Variants in PCNX2 observed in about 807,000 individuals in gnomAD.
PCNX2 encodes pecanex 2, also known as pecanex-like protein 2.
A neutral mutation model predicts 223.8 loss-of-function variants in PCNX2; 168 were observed. The observed-to-expected ratio is 0.75, with a 90% CI of 0.66 to 0.85. PCNX2 has a LOEUF of 0.85. Among genes scored for constraint, PCNX2 ranks in the 40% least tolerant of loss-of-function variants. PCNX2 has a pLI of 0.00. For missense variants in PCNX2, 2,507 were observed against 2,675.5 expected, an observed-to-expected ratio of 0.94 and a Z score of 1.39; for synonymous variants, 1,006 against 1,052.6, an observed-to-expected ratio of 0.96 and a Z score of 0.86.
At chr1:233,160,545 G>T in intron 18 of PCNX2, 112 bp from the exon 19 acceptor site, 1 of 1,202,424 alleles carries the variant, frequency 8.3e-7, no homozygotes, top group Non-Finnish European at 1.2e-6. Flanking sequence ...TTAACGGATA[G>T]CCAGACTCAG....
intron 14 of PCNX2, 106 bp from the exon 15 acceptor site, chr1:233,199,136 T>C: frequency 9.9e-7 from 1 of 1,012,594 alleles, no homozygotes; most frequent in South Asian, 1.6e-5. Context: ...AGATGCCTGC[T>C]GAAGGGGTAA....
the PCNX2 span, among the ~76,000 whole-genome samples, chr1:233,320,090 AAAGAT>A: frequency 6.6e-6 from 1 of 152,188 alleles, no homozygotes; most frequent in African/African-American, 2.4e-5. Flanking sequence ...CTAGCCTCAT[AAAGAT>A]ATGTATTTGC....
At chr1:233,109,283 C>T (rs1674980601) in intron 21 of PCNX2, among the ~76,000 whole-genome samples, 1 of 152,000 alleles carries the variant, frequency 6.6e-6, no homozygotes. Context: ...AATTATGAGG[C>T]ACACAAAAGG....
upstream of PCNX2, among the ~76,000 whole-genome samples, chr1:233,299,039 C>T (rs146828476): frequency 5.4e-4 from 83 of 152,300 alleles, no homozygotes; most frequent in African/African-American, 1.9e-3. Flanking sequence ...CGATTTAAAT[C>T]CAGTTGGGTG....
At chr1:233,151,230 C>G (rs949998313) in intron 19 of PCNX2, among the ~76,000 whole-genome samples, 4 of 152,150 alleles carry the variant, frequency 2.6e-5, no homozygotes, top group African/African-American at 9.7e-5. Flanking sequence ...TCTCCATGGC[C>G]TATCCATATA....
chr1:233,238,431 C>T (rs1175857917), intron 8 of PCNX2, among the ~76,000 whole-genome samples: 1 of 152,172 alleles, frequency 6.6e-6, no homozygotes, highest in South Asian at 2.1e-4. Flanking sequence ...TAGCTGATGC[C>T]TGTAATCCCA....
intron 25 of PCNX2, among the ~76,000 whole-genome samples, chr1:233,035,253 T>C (rs935874152): frequency 5.9e-5 from 9 of 152,210 alleles, no homozygotes; most frequent in Non-Finnish European, 1.2e-4. Context: ...GGTCCTTCAA[T>C]TTCCCTTCTA....
Position 232,986,368 on chromosome 1 carries a change from G to A in PCNX2, c.5964C>T (p.His1988=), listed in dbSNP as rs369238243. Residue 1988 remains histidine (H), a synonymous_variant, in exon 33 of 34, where the codon CAC becomes CAT. Transcript: ENST00000258229. ...QRLSGSRLSL[H]ASATSLHSQP... is the part of the protein sequence containing the mutation. ...GAGAGTGCAGGGACGTGGCCGAGGC[G>A]TGCAAGGAGAGCCGGCTGCCCGAGA... is the stretch of plus-strand genomic sequence containing the variant. 5.0e-5 allele frequency: 80 copies of A among 1,602,634 alleles called. No homozygotes were observed. Among genetic ancestry groups the A allele is most frequent in the East Asian group, 3.1e-4 (14 of 44,480 alleles).
intron 10 of PCNX2, among the ~76,000 whole-genome samples, chr1:233,222,204 A>C (rs1225603136): frequency 6.6e-6 from 1 of 152,130 alleles, no homozygotes; most frequent in African/African-American, 2.4e-5. Flanking sequence ...TGAAAGACAA[A>C]AGGAAGGCCA....
chr1:233,323,698 G>C, the PCNX2 span, among the ~76,000 whole-genome samples: 45 of 152,268 alleles, frequency 3.0e-4, no homozygotes, highest in Non-Finnish European at 3.1e-4. Context: ...GTGATAAATG[G>C]CTGGCTCCAC....
intron 1 of PCNX2, among the ~76,000 whole-genome samples, chr1:233,277,285 C>A (rs1660966748): frequency 6.6e-6 from 1 of 152,216 alleles, no homozygotes; most frequent in Non-Finnish European, 1.5e-5. Context: ...AGTCTCCTCT[C>A]CTCTGCTCTA....
At chr1:233,066,033 C>T (rs375321059) in intron 23 of PCNX2, among the ~76,000 whole-genome samples, 60 of 152,278 alleles carry the variant, frequency 3.9e-4, no homozygotes, top group East Asian at 1.7e-3. Flanking sequence ...TCCCCCATTC[C>T]GAGCCCATAA....
chr1:233,182,388 G>C (rs765176499), intron 15 of PCNX2, among the ~76,000 whole-genome samples: 28 of 152,016 alleles, frequency 1.8e-4, no homozygotes, highest in African/African-American at 6.8e-4. Flanking sequence ...CTTGTCCCAG[G>C]ACTACTGTTA....
At chr1:233,272,788 A>G (rs1478235376) in intron 1 of PCNX2, among the ~76,000 whole-genome samples, 1 of 152,242 alleles carries the variant, frequency 6.6e-6, no homozygotes, top group East Asian at 1.9e-4. Flanking sequence ...TGTGGTGTAT[A>G]TATTTACCAT....
chr1:233,266,549 A>G (rs1212707647), intron 1 of PCNX2, among the ~76,000 whole-genome samples: 1 of 152,144 alleles, frequency 6.6e-6, no homozygotes, highest in African/African-American at 2.4e-5. Context: ...GAAGACCTCT[A>G]GCTTCCAGTA....
At chr1:233,204,451 C>T (rs982835288) in intron 13 of PCNX2, among the ~76,000 whole-genome samples, 2 of 152,150 alleles carry the variant, frequency 1.3e-5, no homozygotes, top group African/African-American at 4.8e-5. Flanking sequence ...CTTTTTCCTC[C>T]TAATAACCTT....
At chr1:233,290,663 C>T (rs571458070) in intron 1 of PCNX2, 3 of 840,910 alleles carry the variant, frequency 3.6e-6, no homozygotes, top group South Asian at 5.5e-5. Flanking sequence ...TTACTATTTG[C>T]CTAGTGCTAT....
intron 21 of PCNX2, among the ~76,000 whole-genome samples, chr1:233,102,755 C>A (rs558504051): frequency 6.6e-6 from 1 of 151,914 alleles, no homozygotes; most frequent in Non-Finnish European, 1.5e-5. Flanking sequence ...AATATATTGT[C>A]GTTATTAATC....
chr1:233,267,369 A>G (rs866164639), intron 1 of PCNX2, among the ~76,000 whole-genome samples: 2 of 152,208 alleles, frequency 1.3e-5, no homozygotes, highest in Non-Finnish European at 2.9e-5. Flanking sequence ...GGTAAAATAT[A>G]TATAATACAA....
Sources: allele counts gnomAD v4.1 joint callset (sites outside exome capture counted in the v4.1 genomes callset), GRCh38; gene constraint gnomAD v4.1.1; transcripts MANE v1.5; gene names NCBI Gene and HGNC (gene_info 2026-07-23, HGNC 2026-07-21).